CRLF1: variants seen among roughly 807,000 people sequenced by gnomAD.
The protein encoded by CRLF1 is cytokine receptor-like factor 1.
Under a neutral mutation model 48.9 loss-of-function variants are expected in CRLF1, and 36 were observed. The ratio of observed to expected loss-of-function variants is 0.74; its 90% CI spans 0.56 to 0.97. The LOEUF is 0.97. CRLF1 is among the 50% of genes least tolerant of loss of function. The pLI is 0.00. For synonymous variants in CRLF1, 256 were observed against 253.4 expected (o/e 1.01, Z -0.10); for missense variants, 534 against 575.1 (o/e 0.93, Z 0.73).
intron 8 of CRLF1, 35 bp downstream of exon 8, chr19:18,594,030 G>GGGTGGGGC: frequency 6.8e-6 from 9 of 1,315,290 alleles, no homozygotes; most frequent in Non-Finnish European, 7.4e-6. Flanking sequence ...CCCTCCCCTT[G>GGGTGGGGC]CTCCCTCCCG....
intron 1 of CRLF1, 140 bp from the exon 2 acceptor site, chr19:18,599,986 G>T: frequency 1.0e-6 from 1 of 973,822 alleles, no homozygotes; most frequent in Non-Finnish European, 1.4e-6. Flanking sequence ...AGGGAAGGTA[G>T]AGATCAGTTG....
At chr19:18,603,313 G>T (rs1212098873) in intron 1 of CRLF1, among the ~76,000 whole-genome samples, 1 of 152,254 alleles carries the variant, frequency 6.6e-6, no homozygotes, top group Admixed American at 6.5e-5. Context: ...AAGCTTGGGA[G>T]GCCTGTCTGG....
chr19:18,594,032 T>TGGGCGC, intron 8 of CRLF1, 33 bp downstream of exon 8: 30 of 695,788 alleles, frequency 4.3e-5, no homozygotes, highest in Non-Finnish European at 6.0e-5. Context: ...CTCCCCTTGC[T>TGGGCGC]CCCTCCCGCC....
chr19:18,594,547 C>T (rs1976104761), intron 6 of CRLF1, 113 bp from the exon 7 acceptor site: 1 of 828,982 alleles, frequency 1.2e-6, no homozygotes, highest in Non-Finnish European at 1.6e-6. Context: ...GAACCTCCCT[C>T]CCCGTTTCTC....
At chr19:18,598,117 C>T (rs1391886562) in intron 4 of CRLF1, among the ~76,000 whole-genome samples, 1 of 152,180 alleles carries the variant, frequency 6.6e-6, no homozygotes, top group Admixed American at 6.5e-5. Flanking sequence ...GGGCGCCTCC[C>T]GACCTGGGCG....
intron 6 of CRLF1, 99 bp from the exon 7 acceptor site, chr19:18,594,533 C>T (rs867723399): frequency 4.4e-6 from 4 of 914,990 alleles, no homozygotes; most frequent in East Asian, 7.3e-5. Flanking sequence ...ATGCTCCCCT[C>T]GGGGAACCTC....
chr19:18,599,137 GCTCTGTCCC>G (rs1976185090), intron 2 of CRLF1: 1 of 983,872 alleles, frequency 1.0e-6, no homozygotes, highest in Non-Finnish European at 1.2e-6. Context: ...GCAAAGTCTC[GCTCTGTCCC>G]CCAGGCTGGA....
chr19:18,594,032 T>TGGGCG, intron 8 of CRLF1, 33 bp downstream of exon 8: 48 of 695,750 alleles, frequency 6.9e-5, no homozygotes, highest in Non-Finnish European at 9.9e-5. Context: ...CTCCCCTTGC[T>TGGGCG]CCCTCCCGCC....
Position 18,596,641 on chromosome 19 carries a change from G to A in CRLF1, c.1005C>T (p.Ala335=), listed in dbSNP as rs1010700288. The change falls in exon 6 of 9, where the codon GCC becomes GCT. Residue 335 remains alanine, a synonymous_variant. Transcript: ENST00000392386. The stretch of plus-strand genomic sequence containing the variant: ...GCTCACCACTGCGGGGAGTGGAGGC[G>A]GCTGTGGGGTGGCTCCACTCACTCC... The part of the protein sequence containing the change: ...GIWSEWSHPT[A]ASTPRSERPG... 10 of 1,613,706 alleles carry A rather than the reference G, an allele frequency of 6.2e-6. No homozygotes were observed. In the Admixed American group the frequency reaches 6.7e-5, roughly 11 times the overall value.
Position 18,593,560 on chromosome 19 carries a change from T to C in CRLF1, c.*6A>G. 1.9e-6 allele frequency: 3 copies of C among 1,610,504 alleles called. No homozygotes were observed. The highest frequency in any genetic ancestry group is 2.2e-5 in the East Asian group (1 of 44,790). On this transcript the variant is annotated 3_prime_UTR_variant, in exon 9 of 9. Coordinates refer to ENST00000392386, the MANE Select transcript of CRLF1 (RefSeq NM_004750.5). ...TGGCAGGGAGGGTGGCCTGAGCCCC[T>C]ACAGCTTATCTGGCAGGACCTGCAG... is the stretch of plus-strand genomic sequence containing the variant.
In CRLF1 at chr19:18,596,749, G is replaced by T; in HGVS notation, c.897C>A (p.Ala299=). The change falls in exon 6 of 9, where the codon GCC becomes GCA. Residue 299 remains alanine, a synonymous_variant. Coordinates refer to ENST00000392386, the MANE Select transcript of CRLF1 (RefSeq NM_004750.5). ...DVSNQTSCRL[A]GLKPGTVYFV... ...AGTACACGGTGCCGGGTTTCAGGCC[G>T]GCCAGGCGGCAGGAGGTCTGGTTGC... 1 of 1,614,132 alleles carries T rather than the reference G, an allele frequency of 6.2e-7. No individual in the cohort carries two copies. Among genetic ancestry groups the T allele is most frequent in the Middle Eastern group, 1.6e-4 (1 of 6,062 alleles).
chr19:18,594,030 G>GCGGGGGGGCCCCCCCCCCC, intron 8 of CRLF1, 35 bp downstream of exon 8: 3 of 1,315,306 alleles, frequency 2.3e-6, no homozygotes, highest in Non-Finnish European at 2.1e-6. Flanking sequence ...CCCTCCCCTT[G>GCGGGGGGGCCCCCCCCCCC]CTCCCTCCCG....
At position 18,600,398 on chromosome 19, in the gene CRLF1, T is replaced by G. The variant is rs573706349; in HGVS notation, c.116-552A>C. On this transcript the variant is annotated intron_variant, in intron 1 of 8. Transcript: ENST00000392386. ...ATTTTTTTTTTTTTGAGACGCAGTC[T>G]TGCTCTGTCGCCCAGGCTGGAGTGC... Among the ~76,000 whole-genome samples, 278 of 150,750 alleles carry G rather than the reference T, an allele frequency of 1.8e-3. 2 individuals carry two copies. Among genetic ancestry groups the G allele is most frequent in the Non-Finnish European group, 2.7e-3 (184 of 67,594 alleles).
intron 6 of CRLF1, 40 bp downstream of exon 6, chr19:18,596,582 G>A (rs1478942476): frequency 1.2e-6 from 2 of 1,607,552 alleles, no homozygotes; most frequent in Middle Eastern, 1.7e-4. Context: ...GCTGGTTTCG[G>A]ACTGGCCGCT....
Position 18,599,671 on chromosome 19 carries a change from A to C in CRLF1, c.291T>G (p.Ala97=), listed in dbSNP as rs1183671538. ...ACCCATTGAGGTTGGCCAGGGCCAG[A>C]GCCAAGGTGGAGGCGTTGAGTACAC... ...LSRVLNASTL[A]LALANLNGSR... Residue 97 remains alanine (A), a synonymous_variant, in exon 2 of 9, where the codon GCT becomes GCG. Coordinates refer to ENST00000392386, the MANE Select transcript of CRLF1 (RefSeq NM_004750.5). 1 of 1,613,316 alleles carries C rather than the reference A, an allele frequency of 6.2e-7. No homozygotes were observed. Among genetic ancestry groups the C allele is most frequent in the Middle Eastern group, 1.7e-4 (1 of 6,058 alleles).
intron 4 of CRLF1, 51 bp from the exon 5 acceptor site, chr19:18,597,100 T>A: frequency 2.5e-6 from 4 of 1,576,410 alleles, no homozygotes; most frequent in Non-Finnish European, 1.7e-6. Context: ...TGGGTTTAAC[T>A]CCCCCCAGCA....
At chr19:18,602,861 C>G (rs1976237898) in intron 1 of CRLF1, among the ~76,000 whole-genome samples, 1 of 151,668 alleles carries the variant, frequency 6.6e-6, no homozygotes, top group Non-Finnish European at 1.5e-5. Context: ...CTCACCATAA[C>G]CTCCACACCC....
chr19:18,594,210 G>A, intron 7 of CRLF1, 37 bp downstream of exon 7: 1 of 1,610,122 alleles, frequency 6.2e-7, no homozygotes, highest in South Asian at 1.1e-5. Flanking sequence ...CCAGCTCCCT[G>A]TCCCCACCCC....
chr19:18,594,148 G>C, intron 7 of CRLF1, 41 bp from the exon 8 acceptor site: 1 of 1,589,218 alleles, frequency 6.3e-7, no homozygotes, highest in Middle Eastern at 1.7e-4. Context: ...GGGGGCTGCA[G>C]ACCTGCGTCC....
Sources: gnomAD v4.1 joint callset for allele counts (sites outside exome capture counted in the v4.1 genomes callset) on GRCh38, gnomAD v4.1.1 for gene constraint, MANE v1.5 for transcripts, NCBI Gene and HGNC (gene_info 2026-07-23, HGNC 2026-07-21) for gene names.